The following RIMBP2 variants were observed in gnomAD, a reference collection of about 807,000 sequenced individuals.
The protein encoded by RIMBP2 is RIMS-binding protein 2.
A neutral mutation model predicts 118.6 loss-of-function variants in RIMBP2; 48 were observed. That is an observed-to-expected ratio of 0.40 (90% confidence interval 0.32 to 0.51). The LOEUF (loss-of-function observed/expected upper bound fraction) is 0.51. RIMBP2 is among the 20% of genes least tolerant of loss of function. The pLI is 0.41. For missense variants in RIMBP2, 1,551 were observed against 1,768.3 expected (o/e 0.88, Z 2.20); for synonymous variants, 762 against 742.9 (o/e 1.03, Z -0.42).
rs1003195006 is a variant in RIMBP2 at position 130,683,307 on chromosome 12, C to T, written c.-352+32915G>A. On this transcript the variant is annotated intron_variant, in intron 1 of 22. Coordinates refer to ENST00000690449, the MANE Select transcript of RIMBP2 (RefSeq NM_001393629.1). This position sits in a 1 kb window ranked among gnomAD's most constrained non-coding sequence, Gnocchi z 4.4. ...AAGGACAGCCGGGGAACGCAGGGAG[C>T]CAGGCTCCCCACAGAGCCTCCAGGG... is the stretch of plus-strand genomic sequence containing the variant. 3.9e-5 allele frequency among the ~76,000 whole-genome samples: 6 copies of T among 152,208 alleles called. No individual in the cohort carries two copies. The highest frequency in any genetic ancestry group is 2.6e-4 in the Admixed American group (4 of 15,280).
intron 2 of RIMBP2, among the ~76,000 whole-genome samples, chr12:130,533,439 T>C (rs2053687123): frequency 6.6e-6 from 1 of 152,180 alleles, no homozygotes; most frequent in Non-Finnish European, 1.5e-5. Flanking sequence ...AAAAGGGAAC[T>C]CTTACACACT....
chr12:130,453,583 A>G (rs1401097271), intron 7 of RIMBP2, among the ~76,000 whole-genome samples: 1 of 152,252 alleles, frequency 6.6e-6, no homozygotes, highest in East Asian at 1.9e-4. Flanking sequence ...CCAGGCACAG[A>G]GATACAAACA....
At chr12:130,533,164 G>A (rs1260758679) in intron 2 of RIMBP2, among the ~76,000 whole-genome samples, 2 of 151,532 alleles carry the variant, frequency 1.3e-5, no homozygotes, top group Non-Finnish European at 2.9e-5. Flanking sequence ...GCCTCTAGGA[G>A]TTACGTCTAA....
intron 2 of RIMBP2, among the ~76,000 whole-genome samples, chr12:130,558,811 C>T (rs1224416526): frequency 4.0e-5 from 6 of 148,514 alleles, no homozygotes; most frequent in South Asian, 4.4e-4. Flanking sequence ...GTTTCTAATC[C>T]GCTTCCAAGG....
intron 1 of RIMBP2, among the ~76,000 whole-genome samples, chr12:130,665,435 GA>G (rs891119606): frequency 8.6e-5 from 13 of 151,512 alleles, no homozygotes; most frequent in African/African-American, 3.2e-4. Flanking sequence ...TGAGGCAGGA[GA>G]ATCACTCGAA....
intron 1 of RIMBP2, among the ~76,000 whole-genome samples, chr12:130,661,548 G>A (rs936386600): frequency 2.6e-5 from 4 of 152,144 alleles, no homozygotes; most frequent in East Asian, 1.9e-4. Context: ...GGTGCTGACC[G>A]CTGACAACTG....
intron 1 of RIMBP2, among the ~76,000 whole-genome samples, chr12:130,708,423 C>T (rs1281064474): frequency 1.3e-5 from 2 of 152,148 alleles, no homozygotes; most frequent in Non-Finnish European, 1.5e-5. Flanking sequence ...CATGGTGGCT[C>T]GTGCCTATAA....
rs553310392 is a variant in RIMBP2, at chr12:130,690,897, C to G, written c.-352+25325G>C. ...TCCTCTCGCTCCCCAGTGAGATGCC[C>G]TGTAATTCACACCAGCCCACAGGGA... On this transcript the variant is annotated intron_variant, in intron 1 of 22. Coordinates refer to ENST00000690449, the MANE Select transcript of RIMBP2 (RefSeq NM_001393629.1). Among the ~76,000 whole-genome samples, 11 of 152,098 alleles carry G rather than the reference C, an allele frequency of 7.2e-5. No individual in the cohort carries two copies. The East Asian group carries it at 2.1e-3, about 29-fold the overall frequency.
intron 7 of RIMBP2, among the ~76,000 whole-genome samples, chr12:130,453,835 C>T (rs2079197303): frequency 6.6e-6 from 1 of 152,182 alleles, no homozygotes. Context: ...AGGTAGATCA[C>T]CTGAGTTCAG....
intron 1 of RIMBP2, among the ~76,000 whole-genome samples, chr12:130,643,437 C>T (rs1054560635): frequency 9.2e-5 from 14 of 152,182 alleles, no homozygotes; most frequent in African/African-American, 3.1e-4. Context: ...AGATGAAAGC[C>T]GGTCCCTACA....
rs1034879003 is a variant in RIMBP2, at chr12:130,434,506, G to A, written c.2253+228C>T. Among the ~76,000 whole-genome samples the A allele has an allele frequency of 8.5e-5, 13 of 152,260 alleles. No individual in the cohort carries two copies. The highest frequency in any genetic ancestry group is 3.1e-4 in the African/African-American group (13 of 41,546). ...CCAGGATGGTGCAGCGGGGGAGGGT[G>A]GAAGCCCTGCACTTCGACTTTTTCA... On this transcript the variant is annotated intron_variant, in intron 14 of 22. Coordinates refer to ENST00000690449, the MANE Select transcript of RIMBP2 (RefSeq NM_001393629.1). The surrounding 1 kb of genome is among the most constrained non-coding windows in gnomAD (Gnocchi z 5.7).
At chr12:130,545,854 C>A (rs976978202) in intron 2 of RIMBP2, among the ~76,000 whole-genome samples, 1 of 152,198 alleles carries the variant, frequency 6.6e-6, no homozygotes, top group Non-Finnish European at 1.5e-5. Context: ...AAAATATATT[C>A]TGTGCCAATA....
chr12:130,619,782 G>A (rs778046156), intron 2 of RIMBP2, among the ~76,000 whole-genome samples: 4 of 152,196 alleles, frequency 2.6e-5, no homozygotes, highest in African/African-American at 9.7e-5. Context: ...CGGGGAGCTG[G>A]CTGCTGTCTG....
At chr12:130,601,668 G>A (rs1182015288) in intron 2 of RIMBP2, among the ~76,000 whole-genome samples, 3 of 152,102 alleles carry the variant, frequency 2.0e-5, no homozygotes, top group Non-Finnish European at 2.9e-5. Context: ...ATTCATCCCA[G>A]GTTCTTTGTG....
chr12:130,462,393 A>T (rs2080078498), intron 6 of RIMBP2, among the ~76,000 whole-genome samples: 1 of 152,206 alleles, frequency 6.6e-6, no homozygotes, highest in African/African-American at 2.4e-5. Flanking sequence ...GCAAGCCTGG[A>T]GACAGCTGCC....
At chr12:130,580,028 CAAAAAAAA>C (rs55653381) in intron 2 of RIMBP2, among the ~76,000 whole-genome samples, 4 of 116,528 alleles carry the variant, frequency 3.4e-5, no homozygotes, top group Non-Finnish European at 6.7e-5. Context: ...ACCAAAAATA[CAAAAAAAA>C]AAAAAAAAAA....
chr12:130,478,621 C>A (rs561881737), intron 5 of RIMBP2, among the ~76,000 whole-genome samples: 41 of 152,328 alleles, frequency 2.7e-4, no homozygotes, highest in African/African-American at 9.1e-4. Flanking sequence ...GAAGCGGAAG[C>A]AATTCACACC....
chr12:130,708,032 C>T (rs1011589018), intron 1 of RIMBP2, among the ~76,000 whole-genome samples: 1 of 152,166 alleles, frequency 6.6e-6, no homozygotes, highest in African/African-American at 2.4e-5. Flanking sequence ...GGTCCAGCCA[C>T]ACAGTGGAAT....
intron 2 of RIMBP2, among the ~76,000 whole-genome samples, chr12:130,613,566 A>G (rs1343175194): frequency 6.6e-6 from 1 of 152,156 alleles, no homozygotes; most frequent in Non-Finnish European, 1.5e-5. Flanking sequence ...CCTGTTATCC[A>G]GCGGTTTGGG....
Sources: allele counts gnomAD v4.1 joint callset (sites outside exome capture counted in the v4.1 genomes callset), GRCh38; gene constraint gnomAD v4.1.1; non-coding constraint Gnocchi (gnomAD v3.1); transcripts MANE v1.5; gene names NCBI Gene and HGNC (gene_info 2026-07-23, HGNC 2026-07-21).